The following ROBO2 variants were observed in gnomAD, a reference collection of about 807,000 sequenced individuals.
The protein encoded by ROBO2 is roundabout guidance receptor 2.
ROBO2 carries 53 observed loss-of-function variants against 160.8 expected under a neutral mutation model. The ratio of observed to expected loss-of-function variants is 0.33; its 90% CI spans 0.26 to 0.41. ROBO2 has a LOEUF of 0.41. Among genes scored for constraint, ROBO2 ranks in the 10% least tolerant of loss-of-function variants. The pLI is 1.00. For missense variants in ROBO2, 1,577 were observed against 1,722.4 expected, an observed-to-expected ratio of 0.92 and a Z score of 1.49; for synonymous variants, 664 against 611.7, an observed-to-expected ratio of 1.09 and a Z score of -1.26.
chr3:77,065,706 T>C (rs905017067), intron 1 of ROBO2, among the ~76,000 whole-genome samples: 1 of 152,166 alleles, frequency 6.6e-6, no homozygotes, highest in South Asian at 2.1e-4. Context: ...AATAATGTTA[T>C]TGTTTGCATT....
At chr3:76,257,783 G>A (rs181951887) in intron 2 of ROBO2, among the ~76,000 whole-genome samples, 1 of 151,926 alleles carries the variant, frequency 6.6e-6, no homozygotes, top group Admixed American at 6.6e-5. Flanking sequence ...ATTTCATAGT[G>A]CACAATTCCT....
intron 2 of ROBO2, among the ~76,000 whole-genome samples, chr3:76,664,268 T>G (rs888213420): frequency 3.9e-5 from 6 of 152,104 alleles, no homozygotes; most frequent in Non-Finnish European, 5.9e-5. Flanking sequence ...GGAAATGGAA[T>G]GGAGAGTAAA....
intron 2 of ROBO2, among the ~76,000 whole-genome samples, chr3:77,221,854 C>CTTTTTTTTTTTTTTTTTTTTTTTTTT (rs5850317): frequency 7.1e-6 from 1 of 140,286 alleles, no homozygotes; most frequent in Non-Finnish European, 1.5e-5. Context: ...TTTTCTTTTT[C>CTTTTTTTTTTTTTTTTTTTTTTTTTT]TTTTTTTTTT....
At chr3:77,197,464 G>T (rs372625446) in intron 2 of ROBO2, among the ~76,000 whole-genome samples, 17 of 152,256 alleles carry the variant, frequency 1.1e-4, no homozygotes, top group African/African-American at 4.1e-4. Context: ...AAATAATTAC[G>T]TTCTTTAAAA....
In ROBO2 at chr3:77,484,549, T is replaced by G. The variant is rs541474533; in HGVS notation, c.667+3330T>G. 1.5e-4 allele frequency among the ~76,000 whole-genome samples: 21 copies of G among 140,762 alleles called. 1 individual carries two copies. The highest frequency in any genetic ancestry group is 6.5e-4 in the African/African-American group (21 of 32,536). The allele number at this position is 140,762 out of a possible 152,430, so 92.3% of individuals were successfully genotyped here. ...CACACACACACACACACACATATAT[T>G]TCTCATCATTTTACGTTCTGTTTTA... On this transcript the variant is annotated intron_variant, in intron 4 of 25. Coordinates refer to ENST00000461745, the Ensembl canonical transcript of ROBO2.
chr3:76,072,169 A>G (rs1428418306), intron 2 of ROBO2, among the ~76,000 whole-genome samples: 1 of 152,112 alleles, frequency 6.6e-6, no homozygotes. Context: ...TCACACTACA[A>G]TCTAACAAAG....
chr3:76,657,624 GTA>G (rs1245655869), intron 2 of ROBO2, among the ~76,000 whole-genome samples: 4 of 60,768 alleles, frequency 6.6e-5, no homozygotes, highest in African/African-American at 3.8e-4. Flanking sequence ...ATATATATGT[GTA>G]TATATATTCA....
intron 4 of ROBO2, among the ~76,000 whole-genome samples, chr3:77,482,323 G>A (rs1228934119): frequency 6.6e-6 from 1 of 152,056 alleles, no homozygotes. Flanking sequence ...CCCTGCATAG[G>A]TCCCCAGAGA....
rs1174960822 is a variant in ROBO2 at position 77,583,150 on chromosome 3, TCCAAAAA to T, written c.2500+3033_2500+3039del. On this transcript the variant is annotated intron_variant, in intron 16 of 25. Coordinates refer to ENST00000461745, the Ensembl canonical transcript of ROBO2. Reference sequence around the variant, plus strand: ...GGGTCACTGAGCGAGACTCTGTCTCTCCAAAAAAAAAAAAAAAAAAAAAAGGAAAAAA... The same window carrying T: ...GGGTCACTGAGCGAGACTCTGTCTCTAAAAAAAAAAAAAAAAAGGAAAAAA... Among the ~76,000 whole-genome samples, 11 of 55,470 alleles carry T rather than the reference TCCAAAAA, an allele frequency of 2.0e-4. No individual in the cohort carries two copies. In the Admixed American group the frequency reaches 2.1e-3, roughly 11 times the overall value. 36.4% of individuals were successfully genotyped at this position (55,470 alleles called of 152,430 possible). A position where few individuals can be genotyped will look rare whatever the true frequency, so the allele number is the denominator to read the frequency against.
chr3:76,395,081 G>A (rs2077362160), intron 2 of ROBO2, among the ~76,000 whole-genome samples: 1 of 151,996 alleles, frequency 6.6e-6, no homozygotes, highest in African/African-American at 2.4e-5. Context: ...TGGAAGTAAA[G>A]CACTCCTCAG....
chr3:76,996,487 T>G (rs181919633), intron 2 of ROBO2, among the ~76,000 whole-genome samples: 146 of 152,216 alleles, frequency 9.6e-4, no homozygotes, highest in African/African-American at 3.3e-3. Context: ...AATTCTGTGA[T>G]GAAAGTCATT....
At chr3:76,983,670 T>C (rs1000150152) in intron 2 of ROBO2, among the ~76,000 whole-genome samples, 16 of 152,184 alleles carry the variant, frequency 1.1e-4, no homozygotes, top group African/African-American at 3.1e-4. Flanking sequence ...GAAAAAAACT[T>C]ACAAAGTACC....
At chr3:76,323,344 G>C (rs756911039) in intron 2 of ROBO2, among the ~76,000 whole-genome samples, 3 of 151,612 alleles carry the variant, frequency 2.0e-5, no homozygotes, top group Non-Finnish European at 2.9e-5. Context: ...CTCCTCATTC[G>C]AATTCATCAA....
At chr3:77,078,738 A>C (rs1426799540) in intron 1 of ROBO2, among the ~76,000 whole-genome samples, 1 of 152,082 alleles carries the variant, frequency 6.6e-6, no homozygotes, top group Non-Finnish European at 1.5e-5. Flanking sequence ...GGTGTGTGTC[A>C]CTGGCTGTCT....
At chr3:75,985,304 A>G (rs79949673) in intron 2 of ROBO2, among the ~76,000 whole-genome samples, 4,496 of 151,608 alleles carry the variant, frequency 0.03, 218 homozygotes, top group African/African-American at 0.096. Flanking sequence ...CTTAATGTGA[A>G]ATTTATTATC....
chr3:76,893,209 C>G (rs2074489455), intron 2 of ROBO2, among the ~76,000 whole-genome samples: 1 of 151,980 alleles, frequency 6.6e-6, no homozygotes, highest in Admixed American at 6.6e-5. Flanking sequence ...CAGACACACA[C>G]ACACATACAC....
At chr3:76,802,410 G>A (rs7632724) in intron 2 of ROBO2, among the ~76,000 whole-genome samples, 48,924 of 151,996 alleles carry the variant, frequency 0.32, 10,196 homozygotes, top group African/African-American at 0.59. Flanking sequence ...TGGAGATAAT[G>A]GGGTCCTTAA....
At chr3:76,658,689 T>C (rs1364634502) in intron 2 of ROBO2, among the ~76,000 whole-genome samples, 1 of 152,226 alleles carries the variant, frequency 6.6e-6, no homozygotes, top group African/African-American at 2.4e-5. Context: ...GGATGCGTAG[T>C]ATTCCAAGGT....
chr3:77,052,575 G>C (rs893837927), intron 1 of ROBO2, among the ~76,000 whole-genome samples: 1 of 152,264 alleles, frequency 6.6e-6, no homozygotes, highest in South Asian at 2.1e-4. Context: ...TTTTGACAAA[G>C]AAATTGCTAA....
Sources: gnomAD v4.1 joint callset for allele counts (sites outside exome capture counted in the v4.1 genomes callset) on GRCh38, gnomAD v4.1.1 for gene constraint, MANE v1.5 for transcripts, NCBI Gene and HGNC (gene_info 2026-07-23, HGNC 2026-07-21) for gene names.